The following CACNA1D variants were observed in gnomAD, a reference collection of about 807,000 sequenced individuals.
CACNA1D encodes the protein calcium voltage-gated channel subunit alpha1 D.
In CACNA1D, 55 loss-of-function variants were observed where a neutral mutation model predicts 257.1. The observed-to-expected ratio is 0.21, with a 90% CI of 0.17 to 0.27. The LOEUF is 0.27. Ranked by LOEUF, CACNA1D falls within the 10% of genes least tolerant of loss-of-function variation. The probability of loss-of-function intolerance (pLI) is 1.00; values close to 1 mark genes in which losing one functional copy is unlikely to be tolerated. For missense variants in CACNA1D, 1,876 were observed against 2,784.0 expected, an observed-to-expected ratio of 0.67 and a Z score of 7.34; for synonymous variants, 980 against 1,014.9, an observed-to-expected ratio of 0.97 and a Z score of 0.65.
intron 4 of CACNA1D, among the ~76,000 whole-genome samples, chr3:53,658,790 TA>T (rs1224363323): frequency 4.6e-5 from 7 of 152,328 alleles, no homozygotes; most frequent in South Asian, 4.1e-4. Context: ...TCCTCAGTCA[TA>T]ACTAGGGAGA....
At chr3:53,742,932 C>G (rs1408788987) in intron 21 of CACNA1D, 79 bp from the exon 22 acceptor site, 2 of 881,460 alleles carry the variant, frequency 2.3e-6, no homozygotes, top group Non-Finnish European at 3.9e-6. Flanking sequence ...TTATACTTTC[C>G]TCAAGATTTT....
At chr3:53,620,587 C>G (rs537386102) in intron 3 of CACNA1D, among the ~76,000 whole-genome samples, 2 of 152,264 alleles carry the variant, frequency 1.3e-5, no homozygotes, top group Non-Finnish European at 2.9e-5. Context: ...CATGATTCCC[C>G]ACCTGGTCCC....
intron 18 of CACNA1D, among the ~76,000 whole-genome samples, 178 bp from the exon 19 acceptor site, chr3:53,732,637 C>T (rs1432111889): frequency 6.6e-6 from 1 of 152,092 alleles, no homozygotes; most frequent in Non-Finnish European, 1.5e-5. Flanking sequence ...CTTCTCAGCA[C>T]CCCCCACCCC....
chr3:53,624,773 T>A (rs1353563774), intron 3 of CACNA1D, among the ~76,000 whole-genome samples: 1 of 152,190 alleles, frequency 6.6e-6, no homozygotes, highest in African/African-American at 2.4e-5. Flanking sequence ...AGTCACTGAG[T>A]TCCCCCAAGT....
In CACNA1D at chr3:53,727,106, G is replaced by A; in HGVS notation, c.2221+107G>A. 3 of 1,306,900 alleles carry A rather than the reference G, an allele frequency of 2.3e-6. No homozygotes were observed. The South Asian group carries it at 3.5e-5, about 15-fold the overall frequency. 81.0% of individuals were successfully genotyped at this position (1,306,900 alleles called of 1,614,324 possible). A position where few individuals can be genotyped will look rare whatever the true frequency, so the allele number is the denominator to read the frequency against. On this transcript the variant is annotated intron_variant, in intron 15 of 47. Transcript: ENST00000350061. ...TGGTGGTGGTAGTAGTTGTGGCAGGGAGGTAAATGCCTTTACCTTATTAGC... is the reference window on the plus strand; with the variant it reads ...TGGTGGTGGTAGTAGTTGTGGCAGGAAGGTAAATGCCTTTACCTTATTAGC...
intron 9 of CACNA1D, among the ~76,000 whole-genome samples, chr3:53,716,499 TTGTGTG>T (rs2094819518): frequency 6.6e-6 from 1 of 152,250 alleles, no homozygotes; most frequent in Non-Finnish European, 1.5e-5. Context: ...GAGTAGCTTC[TTGTGTG>T]TCTGTGTGTG....
chr3:53,544,271 T>C (rs1240199514), intron 3 of CACNA1D, among the ~76,000 whole-genome samples: 1 of 152,082 alleles, frequency 6.6e-6, no homozygotes, highest in African/African-American at 2.4e-5. Flanking sequence ...AAAATATCTA[T>C]AAAGGGGCAA....
chr3:53,578,865 A>C (rs2093083202), intron 3 of CACNA1D, among the ~76,000 whole-genome samples: 1 of 152,220 alleles, frequency 6.6e-6, no homozygotes, highest in South Asian at 2.1e-4. Context: ...AAATCAAAGC[A>C]TGCTTGGGGG....
chr3:53,618,412 T>A (rs2093660183), intron 3 of CACNA1D, among the ~76,000 whole-genome samples: 1 of 152,208 alleles, frequency 6.6e-6, no homozygotes, highest in South Asian at 2.1e-4. Context: ...CAGTTGCTGC[T>A]GTTGCTGCTG....
At chr3:53,741,708 A>G (rs192692931) in intron 21 of CACNA1D, among the ~76,000 whole-genome samples, 243 of 152,192 alleles carry the variant, frequency 1.6e-3, no homozygotes, top group Admixed American at 0.013. Context: ...GGTCGGAGGG[A>G]TGCCGCCAGA....
At chr3:53,502,758 G>A (rs2090659937) in intron 3 of CACNA1D, among the ~76,000 whole-genome samples, 1 of 152,146 alleles carries the variant, frequency 6.6e-6, no homozygotes, top group Non-Finnish European at 1.5e-5. Context: ...TGATTCAGAA[G>A]CCATTTCAGG....
intron 39 of CACNA1D, 62 bp downstream of exon 39, chr3:53,781,729 TC>T: frequency 9.3e-7 from 1 of 1,074,080 alleles, no homozygotes; most frequent in Non-Finnish European, 1.5e-6. Context: ...TGCTAGTGTC[TC>T]CAGAAAGTCC....
At chr3:53,802,589 T>C (rs2095541788) in intron 43 of CACNA1D, among the ~76,000 whole-genome samples, 1 of 152,250 alleles carries the variant, frequency 6.6e-6, no homozygotes, top group African/African-American at 2.4e-5. Flanking sequence ...CTTGTCATTT[T>C]CCCTGTAGCC....
At chr3:53,557,270 G>A (rs1164649373) in intron 3 of CACNA1D, among the ~76,000 whole-genome samples, 1 of 152,022 alleles carries the variant, frequency 6.6e-6, no homozygotes, top group African/African-American at 2.4e-5. Context: ...CGAGGAGGGC[G>A]GGTCACCTGA....
Position 53,529,037 on chromosome 3 carries a change from T to C in CACNA1D, c.483+27317T>C, listed in dbSNP as rs118029841. Reference sequence around the variant, plus strand: ...TTGCCTTGTAACATTGGCTAAGACCTTCCATATGGTATAGAATAGAAATGG... The same window carrying C: ...TTGCCTTGTAACATTGGCTAAGACCCTCCATATGGTATAGAATAGAAATGG... On this transcript the variant is annotated intron_variant, in intron 3 of 47. Coordinates refer to ENST00000350061, the MANE Select transcript of CACNA1D (RefSeq NM_001128840.3). Among the ~76,000 whole-genome samples the C allele has an allele frequency of 3.7e-4, 56 of 152,356 alleles. 1 individual carries two copies. In the East Asian group the frequency reaches 0.01, roughly 28 times the overall value.
intron 3 of CACNA1D, among the ~76,000 whole-genome samples, chr3:53,567,656 G>A (rs181665197): frequency 2.0e-4 from 30 of 152,292 alleles, no homozygotes; most frequent in East Asian, 1.2e-3. Flanking sequence ...GCCACTCACC[G>A]AAAACCATGT....
chr3:53,761,928 C>A, intron 29 of CACNA1D, 70 bp from the exon 30 acceptor site: 1 of 1,095,338 alleles, frequency 9.1e-7, no homozygotes, highest in Non-Finnish European at 1.4e-6. Flanking sequence ...TCGGATTCGC[C>A]CCTATACGGT....
intron 19 of CACNA1D, among the ~76,000 whole-genome samples, chr3:53,734,988 G>T (rs2095043560): frequency 6.6e-6 from 1 of 152,146 alleles, no homozygotes; most frequent in Non-Finnish European, 1.5e-5. Context: ...TGAGTTTCTT[G>T]TCATAGTGGA....
intron 40 of CACNA1D, among the ~76,000 whole-genome samples, chr3:53,792,742 T>A (rs2095490099): frequency 6.6e-6 from 1 of 152,146 alleles, no homozygotes; most frequent in Non-Finnish European, 1.5e-5. Flanking sequence ...AGTCCCAGCC[T>A]CAGGGTCTTT....
Sources: allele counts gnomAD v4.1 joint callset (sites outside exome capture counted in the v4.1 genomes callset), GRCh38; gene constraint gnomAD v4.1.1; transcripts MANE v1.5; gene names NCBI Gene and HGNC (gene_info 2026-07-23, HGNC 2026-07-21).